Variants in DGLUCY observed in about 807,000 individuals in gnomAD.
The protein encoded by DGLUCY is D-glutamate cyclase, mitochondrial.
DGLUCY carries 58 observed loss-of-function variants against 58.5 expected under a neutral mutation model. That is an observed-to-expected ratio of 0.99 (90% CI 0.80 to 1.23). DGLUCY has a LOEUF of 1.23. Ranked by LOEUF, DGLUCY falls within the 50% of genes most tolerant of loss-of-function variation. The pLI is 0.00. For missense variants in DGLUCY, 779 were observed against 784.7 expected, an observed-to-expected ratio of 0.99 and a Z score of 0.09; for synonymous variants, 325 against 314.1, an observed-to-expected ratio of 1.03 and a Z score of -0.37.
At chr14:91,161,430 G>A (rs995984112) in intron 3 of DGLUCY, among the ~76,000 whole-genome samples, 2 of 152,170 alleles carry the variant, frequency 1.3e-5, no homozygotes, top group African/African-American at 2.4e-5. Context: ...CTGCAATCAA[G>A]GTTGGTCTTA....
intron 1 of DGLUCY, among the ~76,000 whole-genome samples, chr14:91,066,357 A>G (rs2043819594): frequency 6.7e-6 from 1 of 148,680 alleles, no homozygotes; most frequent in African/African-American, 2.5e-5. Flanking sequence ...CAGGCTGGGT[A>G]CCAGAGTGAA....
chr14:91,122,334 G>A (rs2045418531), intron 1 of DGLUCY, among the ~76,000 whole-genome samples: 1 of 151,762 alleles, frequency 6.6e-6, no homozygotes, highest in South Asian at 2.1e-4. Context: ...TTTATTTTTT[G>A]TAGAGATGGG....
At position 91,062,083 on chromosome 14, in the gene DGLUCY, T is replaced by C. The variant is rs376220691; in HGVS notation, c.-82+1379T>C. Among the ~76,000 whole-genome samples the C allele has an allele frequency of 9.8e-5, 15 of 152,330 alleles. No individual in the cohort carries two copies. In the East Asian group the frequency reaches 2.1e-3, roughly 22 times the overall value. On this transcript the variant is annotated intron_variant, in intron 1 of 4. Transcript: ENST00000521334. Reference sequence around the variant, plus strand: ...GGATTTGCAAGCTGTATGACCTTTTTCACAACTACTCAGCTCTGCCATTGT... The same window carrying C: ...GGATTTGCAAGCTGTATGACCTTTTCCACAACTACTCAGCTCTGCCATTGT...
chr14:91,218,097 G>C (rs1405815387), intron 13 of DGLUCY, among the ~76,000 whole-genome samples: 1 of 152,194 alleles, frequency 6.6e-6, no homozygotes, highest in Non-Finnish European at 1.5e-5. Flanking sequence ...GTAGTGCCAG[G>C]GAAGAGAGAT....
At chr14:91,165,583 G>A (rs373619462) in intron 3 of DGLUCY, among the ~76,000 whole-genome samples, 1 of 152,122 alleles carries the variant, frequency 6.6e-6, no homozygotes, top group Admixed American at 6.6e-5. Context: ...GCAAGAATCT[G>A]CCCCCCAAAA....
chr14:91,106,599 C>T (rs967456251), upstream of DGLUCY, among the ~76,000 whole-genome samples: 7 of 148,868 alleles, frequency 4.7e-5, no homozygotes, highest in African/African-American at 7.4e-5. Context: ...CCCAGCTACG[C>T]GGGAGGCTGA....
intron 1 of DGLUCY, among the ~76,000 whole-genome samples, chr14:91,135,696 CTGTTTT>C (rs2046293552): frequency 7.9e-6 from 1 of 127,218 alleles, no homozygotes; most frequent in Admixed American, 8.1e-5. Flanking sequence ...TAGGCTTTTG[CTGTTTT>C]TGTTTTTAAC....
At chr14:91,130,254 T>A (rs1280267574) in intron 1 of DGLUCY, among the ~76,000 whole-genome samples, 1 of 152,168 alleles carries the variant, frequency 6.6e-6, no homozygotes, top group Non-Finnish European at 1.5e-5. Flanking sequence ...CTCATTATAG[T>A]TATAATTTGC....
At chr14:91,060,494 G>A in exon 1 of DGLUCY, 1 of 1,295,824 alleles carries the variant, frequency 7.7e-7, no homozygotes, top group Non-Finnish European at 9.9e-7. Context: ...GACAGCGGAC[G>A]CCCGTCCCCT....
chr14:91,160,207 A>G, intron 2 of DGLUCY, 59 bp from the exon 3 acceptor site: 1 of 1,048,958 alleles, frequency 9.5e-7, no homozygotes, highest in Non-Finnish European at 1.5e-6. Context: ...GTGAGGCTGA[A>G]TCTGCTGCCT....
At chr14:91,186,124 A>C (rs1240639037) in intron 8 of DGLUCY, among the ~76,000 whole-genome samples, 1 of 152,174 alleles carries the variant, frequency 6.6e-6, no homozygotes, top group African/African-American at 2.4e-5. Flanking sequence ...ATCATCATAA[A>C]TGTATTTACC....
chr14:91,115,836 G>A (rs181038972), intron 1 of DGLUCY, among the ~76,000 whole-genome samples: 3 of 152,276 alleles, frequency 2.0e-5, no homozygotes, highest in East Asian at 1.9e-4. Flanking sequence ...AAAATTTCAC[G>A]CGTTGTGAAA....
At chr14:91,122,602 G>GTTGTT (rs2045438481) in intron 1 of DGLUCY, among the ~76,000 whole-genome samples, 1 of 104,816 alleles carries the variant, frequency 9.5e-6, no homozygotes, top group Non-Finnish European at 1.8e-5. Flanking sequence ...AAAGAAAAAA[G>GTTGTT]TTTTTTTTTT....
At position 91,066,388 on chromosome 14, in the gene DGLUCY, GAAA is replaced by G. The variant is rs58589619; in HGVS notation, c.-82+5699_-82+5701del. Among the ~76,000 whole-genome samples, 149 of 113,854 alleles carry G rather than the reference GAAA, an allele frequency of 1.3e-3. 1 individual carries two copies. The highest frequency in any genetic ancestry group is 6.6e-4 in the African/African-American group (21 of 31,918). The allele number at this position is 113,854 out of a possible 152,430, so 74.7% of individuals were successfully genotyped here. A position where few individuals can be genotyped will look rare whatever the true frequency, so the allele number is the denominator to read the frequency against. ...GTGAAACCCCATCTGAAAAAAAAAA[GAAA>G]AAAAAAAAAAAAAAGAAGGAAAGAA... On this transcript the variant is annotated intron_variant, in intron 1 of 4. Coordinates refer to the DGLUCY transcript ENST00000521334.
chr14:91,071,030 C>T (rs1429734606), intron 1 of DGLUCY, among the ~76,000 whole-genome samples: 20 of 152,042 alleles, frequency 1.3e-4, no homozygotes, highest in Non-Finnish European at 2.9e-5. Context: ...GCCAAATTGT[C>T]CCTTAAGAAG....
chr14:91,083,319 C>G (rs1276171341), intron 1 of DGLUCY, among the ~76,000 whole-genome samples: 2 of 152,066 alleles, frequency 1.3e-5, no homozygotes, highest in Non-Finnish European at 2.9e-5. Flanking sequence ...GTCAGGAGTT[C>G]GAGACCGGCC....
At chr14:91,178,174 T>C (rs1215484956) in intron 7 of DGLUCY, among the ~76,000 whole-genome samples, 2 of 150,652 alleles carry the variant, frequency 1.3e-5, no homozygotes, top group African/African-American at 4.9e-5. Flanking sequence ...AAATTCCCTT[T>C]TTTTTTTTTT....
chr14:91,117,723 G>A (rs2045069703), intron 1 of DGLUCY, among the ~76,000 whole-genome samples: 1 of 151,768 alleles, frequency 6.6e-6, no homozygotes, highest in Non-Finnish European at 1.5e-5. Flanking sequence ...CTTATTCTGA[G>A]GCAAACATGA....
intron 8 of DGLUCY, among the ~76,000 whole-genome samples, chr14:91,183,153 G>A (rs1418987426): frequency 6.6e-6 from 1 of 151,708 alleles, no homozygotes; most frequent in African/African-American, 2.4e-5. Context: ...CACCATACCT[G>A]GCTAATTTGT....
Sources: allele counts gnomAD v4.1 joint callset (sites outside exome capture counted in the v4.1 genomes callset), GRCh38; gene constraint gnomAD v4.1.1; transcripts MANE v1.5; gene names NCBI Gene and HGNC (gene_info 2026-07-23, HGNC 2026-07-21).